BMPER: variants seen among roughly 807,000 people sequenced by gnomAD.
BMPER encodes BMP-binding endothelial regulator protein.
BMPER carries 45 observed loss-of-function variants against 87.3 expected under a neutral mutation model. The observed-to-expected ratio is 0.52, with a 90% CI of 0.41 to 0.66. The LOEUF is 0.66. Among genes scored for constraint, BMPER ranks in the 30% least tolerant of loss-of-function variants. The probability of loss-of-function intolerance (pLI) is 0.00; values close to 1 mark genes in which losing one functional copy is unlikely to be tolerated. For missense variants in BMPER, 784 were observed against 867.5 expected, an observed-to-expected ratio of 0.90 and a Z score of 1.21; for synonymous variants, 326 against 316.2, an observed-to-expected ratio of 1.03 and a Z score of -0.33.
intron 6 of BMPER, among the ~76,000 whole-genome samples, chr7:34,006,329 T>C (rs967416422): frequency 3.9e-5 from 6 of 151,984 alleles, no homozygotes; most frequent in Admixed American, 1.3e-4. Context: ...CTGAGAGAGA[T>C]TTTGGTTTAT....
chr7:34,127,740 C>A (rs1790443568), intron 13 of BMPER, among the ~76,000 whole-genome samples: 1 of 152,172 alleles, frequency 6.6e-6, no homozygotes, highest in Admixed American at 6.5e-5. Flanking sequence ...AGTGTGAGAC[C>A]CTTTTTCAGG....
At position 33,905,659 on chromosome 7, in the gene BMPER, C is replaced by A. The variant is rs760953708; in HGVS notation, c.46C>A (p.Arg16Ser). 1.5e-5 allele frequency: 25 copies of A among 1,613,324 alleles called. No homozygotes were observed. The East Asian group carries it at 4.7e-4, about 30-fold the overall frequency. Residue 16 changes from arginine (R) to serine (S), a missense_variant, in exon 1 of 15, where the codon CGC becomes AGC. Transcript: ENST00000649409. ...GVGALAERYC[R>S]RSPGITCCVL... Reference sequence around the variant, plus strand: ...CGGGGCTCTGGCTGAGCGTTACTGCCGCCGCTCGCCTGGGATTACGTGCTG... The same window carrying A: ...CGGGGCTCTGGCTGAGCGTTACTGCAGCCGCTCGCCTGGGATTACGTGCTG...
intron 6 of BMPER, among the ~76,000 whole-genome samples, chr7:33,984,297 C>T (rs1045833716): frequency 1.3e-5 from 2 of 152,030 alleles, no homozygotes; most frequent in Non-Finnish European, 2.9e-5. Context: ...GAAACCCTGT[C>T]TCTACTAAAA....
intron 6 of BMPER, among the ~76,000 whole-genome samples, chr7:33,977,935 G>A (rs1785730980): frequency 6.6e-6 from 1 of 152,180 alleles, no homozygotes; most frequent in Non-Finnish European, 1.5e-5. Flanking sequence ...GGGAGATACA[G>A]AAGGCTCTGG....
intron 13 of BMPER, among the ~76,000 whole-genome samples, chr7:34,130,149 G>C (rs1314127368): frequency 6.6e-6 from 1 of 151,260 alleles, no homozygotes; most frequent in East Asian, 2.0e-4. Flanking sequence ...TTCCTTCCCC[G>C]CTTTGATGCA....
intron 6 of BMPER, among the ~76,000 whole-genome samples, chr7:34,032,576 C>T (rs1196439072): frequency 6.6e-6 from 1 of 152,202 alleles, no homozygotes; most frequent in South Asian, 2.1e-4. Flanking sequence ...AGATTCGTAG[C>T]TTTTTGCTTA....
intron 13 of BMPER, among the ~76,000 whole-genome samples, chr7:34,112,603 T>G (rs1790007410): frequency 1.3e-5 from 2 of 149,186 alleles, no homozygotes; most frequent in African/African-American, 4.9e-5. Flanking sequence ...TATACACACA[T>G]ACACTTATTT....
At chr7:33,978,977 G>A (rs375957751) in intron 6 of BMPER, among the ~76,000 whole-genome samples, 30 of 152,162 alleles carry the variant, frequency 2.0e-4, no homozygotes, top group African/African-American at 7.2e-4. Flanking sequence ...TATCATCAGG[G>A]ACTAACTGTA....
At chr7:33,921,964 C>T (rs1260653942) in intron 2 of BMPER, 3 of 407,954 alleles carry the variant, frequency 7.4e-6, no homozygotes, top group African/African-American at 2.1e-5. Flanking sequence ...GAAGCTATTT[C>T]CTTCGGCTGG....
chr7:33,973,181 G>A (rs6958404), intron 5 of BMPER, among the ~76,000 whole-genome samples: 91,595 of 152,096 alleles, frequency 0.6, 27,779 homozygotes, highest in South Asian at 0.65. Flanking sequence ...TAAGTGGTCA[G>A]GTGTAGATTG....
intron 13 of BMPER, among the ~76,000 whole-genome samples, chr7:34,086,984 G>A (rs1255358314): frequency 6.6e-6 from 1 of 152,182 alleles, no homozygotes; most frequent in Non-Finnish European, 1.5e-5. Flanking sequence ...GAAAACTCCT[G>A]TGGTCTGAAG....
At chr7:34,067,711 C>T (rs1433177921) in intron 11 of BMPER, among the ~76,000 whole-genome samples, 2 of 152,192 alleles carry the variant, frequency 1.3e-5, no homozygotes, top group Non-Finnish European at 2.9e-5. Flanking sequence ...GTTCCTCAGG[C>T]CCAAACAGCA....
chr7:34,114,792 A>G (rs763657530), intron 13 of BMPER, among the ~76,000 whole-genome samples: 2 of 152,228 alleles, frequency 1.3e-5, no homozygotes, highest in Non-Finnish European at 2.9e-5. Context: ...TCCAGTGCAA[A>G]GGCCCTGTGG....
intron 11 of BMPER, among the ~76,000 whole-genome samples, chr7:34,064,925 T>A (rs1788537232): frequency 6.6e-6 from 1 of 152,188 alleles, no homozygotes; most frequent in Admixed American, 6.5e-5. Context: ...TCAGGTAGAT[T>A]TATTCTGATG....
intron 2 of BMPER, among the ~76,000 whole-genome samples, chr7:33,928,261 T>G (rs1169399184): frequency 6.6e-6 from 1 of 152,060 alleles, no homozygotes; most frequent in Non-Finnish European, 1.5e-5. Flanking sequence ...ACCTGTTGGT[T>G]TTTTGTTTGC....
intron 6 of BMPER, among the ~76,000 whole-genome samples, chr7:33,985,813 T>C (rs1294981347): frequency 1.3e-5 from 2 of 152,164 alleles, no homozygotes; most frequent in Non-Finnish European, 2.9e-5. Flanking sequence ...TTTATATGTG[T>C]ATGAAGGATC....
At chr7:34,119,888 A>G (rs1363808649) in intron 13 of BMPER, among the ~76,000 whole-genome samples, 1 of 152,210 alleles carries the variant, frequency 6.6e-6, no homozygotes, top group Non-Finnish European at 1.5e-5. Flanking sequence ...ATGTGAAAAA[A>G]TATAACCTAA....
At chr7:33,906,253 A>T (rs749244068) in intron 1 of BMPER, among the ~76,000 whole-genome samples, 11 of 152,216 alleles carry the variant, frequency 7.2e-5, no homozygotes, top group Non-Finnish European at 1.2e-4. Context: ...CTCAGCTGCT[A>T]TTCTGAAGGA....
At chr7:34,150,647 A>G (rs1583485247) in intron 14 of BMPER, among the ~76,000 whole-genome samples, 1 of 152,210 alleles carries the variant, frequency 6.6e-6, no homozygotes, top group Non-Finnish European at 1.5e-5. Context: ...GGATCAGTGA[A>G]AAGTCAAAAG....
Sources: gnomAD v4.1 joint callset for allele counts (sites outside exome capture counted in the v4.1 genomes callset) on GRCh38, gnomAD v4.1.1 for gene constraint, MANE v1.5 for transcripts, NCBI Gene and HGNC (gene_info 2026-07-23, HGNC 2026-07-21) for gene names.